The following HCN1 variants were observed in gnomAD, a reference collection of about 807,000 sequenced individuals.
HCN1 encodes the protein hyperpolarization activated cyclic nucleotide gated potassium channel 1, also known as potassium/sodium hyperpolarization-activated cyclic nucleotide-gated channel 1.
Under a neutral mutation model 78.9 loss-of-function variants are expected in HCN1, and 13 were observed. That is an observed-to-expected ratio of 0.16 (90% CI 0.11 to 0.26). The LOEUF (loss-of-function observed/expected upper bound fraction) is 0.26. Ranked by LOEUF, HCN1 falls within the 10% of genes least tolerant of loss-of-function variation. The pLI, the probability that HCN1 is intolerant of heterozygous loss-of-function variation, is 1.00. For synonymous variants in HCN1, 552 were observed against 455.5 expected, an observed-to-expected ratio of 1.21 and a Z score of -2.70; for missense variants, 810 against 1,154.3, an observed-to-expected ratio of 0.70 and a Z score of 4.32.
At chr5:45,330,616 A>C (rs1488511256) in intron 5 of HCN1, among the ~76,000 whole-genome samples, 2 of 151,048 alleles carry the variant, frequency 1.3e-5, no homozygotes, top group Non-Finnish European at 3.0e-5. Flanking sequence ...TGACTCATCA[A>C]TAATTTTTAA....
chr5:45,317,097 C>T (rs1003236189), intron 5 of HCN1, among the ~76,000 whole-genome samples: 2 of 152,074 alleles, frequency 1.3e-5, no homozygotes, highest in Non-Finnish European at 2.9e-5. Context: ...AAAAAAGAGC[C>T]TGCATTGCCA....
intron 3 of HCN1, among the ~76,000 whole-genome samples, chr5:45,450,981 C>CT (rs1416796084): frequency 6.6e-6 from 1 of 152,052 alleles, no homozygotes; most frequent in Non-Finnish European, 1.5e-5. Flanking sequence ...ACTTCTATTC[C>CT]TTTTTTCATT....
intron 4 of HCN1, among the ~76,000 whole-genome samples, chr5:45,360,669 T>C (rs1013274456): frequency 1.3e-5 from 2 of 152,116 alleles, no homozygotes; most frequent in African/African-American, 4.8e-5. Flanking sequence ...TTGCTGGTTA[T>C]TTTATGAAAA....
intron 5 of HCN1, among the ~76,000 whole-genome samples, chr5:45,347,631 A>G (rs1386148238): frequency 6.6e-6 from 1 of 152,196 alleles, no homozygotes; most frequent in African/African-American, 2.4e-5. Context: ...AATTTAGACG[A>G]ATGTATAACT....
chr5:45,367,690 TC>T (rs1452703063), intron 4 of HCN1, among the ~76,000 whole-genome samples: 23 of 152,030 alleles, frequency 1.5e-4, no homozygotes, highest in African/African-American at 5.3e-4. Flanking sequence ...CATCGTAACT[TC>T]CAAATAAGTT....
intron 5 of HCN1, among the ~76,000 whole-genome samples, chr5:45,333,865 T>A (rs1406223312): frequency 6.6e-6 from 1 of 151,796 alleles, no homozygotes; most frequent in African/African-American, 2.4e-5. Flanking sequence ...TTTCTCTACA[T>A]CCTTGCCATC....
At chr5:45,351,271 G>T (rs1409627526) in intron 5 of HCN1, among the ~76,000 whole-genome samples, 1 of 150,484 alleles carries the variant, frequency 6.6e-6, no homozygotes, top group Non-Finnish European at 1.5e-5. Context: ...AACAAGCAAT[G>T]GGGAAAGGAT....
chr5:45,302,363 T>A (rs1296660991), intron 6 of HCN1, among the ~76,000 whole-genome samples: 3 of 152,088 alleles, frequency 2.0e-5, no homozygotes, highest in Non-Finnish European at 4.4e-5. Flanking sequence ...GTAAGTTTCC[T>A]GAGGCCTTCC....
chr5:45,271,435 T>C (rs1744959808), intron 6 of HCN1, among the ~76,000 whole-genome samples: 1 of 151,738 alleles, frequency 6.6e-6, no homozygotes, highest in Non-Finnish European at 1.5e-5. Context: ...TAGGGATTCT[T>C]TTTTTGGTAT....
intron 4 of HCN1, among the ~76,000 whole-genome samples, chr5:45,393,387 G>T (rs1300917655): frequency 1.3e-5 from 2 of 152,118 alleles, no homozygotes; most frequent in African/African-American, 2.4e-5. Context: ...TATGAACTAA[G>T]ATGTAGTAGT....
At chr5:45,315,979 C>A (rs999931543) in intron 5 of HCN1, among the ~76,000 whole-genome samples, 5 of 152,084 alleles carry the variant, frequency 3.3e-5, no homozygotes, top group Non-Finnish European at 5.9e-5. Context: ...TGAATTCTAC[C>A]AGAGGTAGAA....
intron 2 of HCN1, among the ~76,000 whole-genome samples, chr5:45,534,405 A>C (rs13175561): frequency 2.8e-5 from 1 of 35,366 alleles, no homozygotes. Context: ...ACTGCATCTC[A>C]AAAAAAAAAA....
At chr5:45,565,675 A>T (rs1167398958) in intron 2 of HCN1, among the ~76,000 whole-genome samples, 1 of 151,984 alleles carries the variant, frequency 6.6e-6, no homozygotes, top group Non-Finnish European at 1.5e-5. Context: ...AATCAAAAAA[A>T]TAGCTGGGTG....
At chr5:45,417,867 A>C (rs1369351659) in intron 3 of HCN1, among the ~76,000 whole-genome samples, 2 of 151,796 alleles carry the variant, frequency 1.3e-5, no homozygotes, top group Non-Finnish European at 2.9e-5. Context: ...CTAGAGAAAC[A>C]ACTGTCAGGC....
chr5:45,375,494 T>G (rs1444844310), intron 4 of HCN1, among the ~76,000 whole-genome samples: 2 of 71,872 alleles, frequency 2.8e-5, no homozygotes, highest in Non-Finnish European at 4.3e-5. Flanking sequence ...ATGATACATA[T>G]TATATATAAG....
chr5:45,265,968 A>T (rs910295581), intron 7 of HCN1, among the ~76,000 whole-genome samples: 1 of 152,094 alleles, frequency 6.6e-6, no homozygotes, highest in African/African-American at 2.4e-5. Flanking sequence ...TTCTAGAGGG[A>T]GGTGATATCT....
chr5:45,314,692 AG>A (rs1189517705), intron 5 of HCN1, among the ~76,000 whole-genome samples: 1 of 152,178 alleles, frequency 6.6e-6, no homozygotes, highest in Non-Finnish European at 1.5e-5. Context: ...AGAGACACAC[AG>A]GCTCAAAATA....
At chr5:45,267,592 A>AC (rs1744885749) in intron 6 of HCN1, among the ~76,000 whole-genome samples, 1 of 152,034 alleles carries the variant, frequency 6.6e-6, no homozygotes, top group Non-Finnish European at 1.5e-5. Context: ...ACATGGTGAA[A>AC]CCCCGTCTCT....
intron 5 of HCN1, among the ~76,000 whole-genome samples, chr5:45,336,146 G>A (rs1039554326): frequency 2.6e-5 from 4 of 152,074 alleles, no homozygotes; most frequent in Admixed American, 1.3e-4. Flanking sequence ...GCTCTCCAGG[G>A]AAAGCCAGGT....
Sources: gnomAD v4.1 joint callset for allele counts (sites outside exome capture counted in the v4.1 genomes callset) on GRCh38, gnomAD v4.1.1 for gene constraint, MANE v1.5 for transcripts, NCBI Gene and HGNC (gene_info 2026-07-23, HGNC 2026-07-21) for gene names.